GAPVD1: variants seen among roughly 807,000 people sequenced by gnomAD.
The protein encoded by GAPVD1 is GTPase-activating protein and VPS9 domain-containing protein 1.
Under a neutral mutation model 155.5 loss-of-function variants are expected in GAPVD1, and 35 were observed. The ratio of observed to expected loss-of-function variants is 0.23; its 90% CI spans 0.17 to 0.30. The LOEUF is 0.30. GAPVD1 is among the 10% of genes least tolerant of loss of function. The pLI is 1.00. For synonymous variants in GAPVD1, 636 were observed against 619.7 expected (o/e 1.03, Z -0.39); for missense variants, 1,429 against 1,775.7 (o/e 0.80, Z 3.51).
At position 125,305,117 on chromosome 9, in the gene GAPVD1, C is replaced by A; in HGVS notation, c.1084C>A (p.Arg362=). The change falls in exon 6 of 28, where the codon CGA becomes AGA. Residue 362 remains arginine, a synonymous_variant. Transcript: ENST00000297933. ...GACTGGCTCTGAAGAGGGAGATCCC[C>A]GAACAAAGAGCAGCCTTGGAAAGTT... ...AMTGSEEGDP[R]TKSSLGKFDK... The A allele has an allele frequency of 6.2e-7, 1 of 1,613,690 alleles. No homozygotes were observed. The highest frequency in any genetic ancestry group is 1.1e-5 in the South Asian group (1 of 91,066).
rs1244568087 is a variant in GAPVD1 at position 125,364,191 on chromosome 9, T to G, written c.*1445T>G. 1.3e-5 allele frequency: 2 copies of G among 151,334 alleles called. No homozygotes were observed. The highest frequency in any genetic ancestry group is 3.8e-4 in the East Asian group (2 of 5,208). The allele number at this position is 151,334 out of a possible 1,614,324, so 9.4% of individuals were successfully genotyped here. A position where few individuals can be genotyped will look rare whatever the true frequency, so the allele number is the denominator to read the frequency against. ...GGCTCTCTGTTGTCTGTCTCTGAGA[T>G]CTTTGTGTCTGGGAATGCCTAAAGA... is the stretch of plus-strand genomic sequence containing the variant. On this transcript the variant is annotated 3_prime_UTR_variant, in exon 28 of 28. Coordinates refer to ENST00000297933, the MANE Select transcript of GAPVD1 (RefSeq NM_001282680.3).
chr9:125,277,420 A>G (rs770557634), intron 2 of GAPVD1, among the ~76,000 whole-genome samples: 21 of 152,172 alleles, frequency 1.4e-4, no homozygotes, highest in Non-Finnish European at 2.5e-4. Context: ...TAACTGGCCA[A>G]TGAAAGGAGT....
In GAPVD1 at chr9:125,337,428, T is replaced by G; in HGVS notation, c.2714T>G (p.Ile905Arg). The G allele has an allele frequency of 6.2e-7, 1 of 1,614,160 alleles. No homozygotes were observed. Among genetic ancestry groups the G allele is most frequent in the East Asian group, 2.2e-5 (1 of 44,884 alleles). ...ERLVRSRSSD[I>R]VSSVRRPMSD... ...CTAGTTCGAAGCAGGAGCTCTGATA[T>G]AGTATCTTCTGTCCGGAGACCCATG... is the stretch of plus-strand genomic sequence containing the variant. Residue 905 changes from isoleucine to arginine, a missense_variant, in exon 17 of 28, where the codon ATA becomes AGA. Physicochemically the swap from Ile to Arg is moderately conservative, Grantham distance 97. Around this residue, in one of 4 missense-constraint regions of GAPVD1, gnomAD observed 699 missense variants for 826.0 expected, o/e 0.85. Transcript: ENST00000297933.
At chr9:125,339,087 T>A (rs1847471398) in intron 17 of GAPVD1, among the ~76,000 whole-genome samples, 1 of 152,078 alleles carries the variant, frequency 6.6e-6, no homozygotes, top group Non-Finnish European at 1.5e-5. Context: ...GCTCAGGCAA[T>A]CCTCCCGCTT....
intron 25 of GAPVD1, among the ~76,000 whole-genome samples, chr9:125,357,527 T>C (rs909902322): frequency 2.0e-5 from 3 of 151,692 alleles, no homozygotes; most frequent in Admixed American, 6.6e-5. Context: ...TGCAGTGAGC[T>C]GAGATCGCGC....
At position 125,312,540 on chromosome 9, in the gene GAPVD1, A is replaced by G. The variant is rs564019106; in HGVS notation, c.1530A>G (p.Gln510=). The G allele has an allele frequency of 8.1e-6, 13 of 1,610,978 alleles. No homozygotes were observed. The African/African-American group carries it at 1.3e-4, about 17-fold the overall frequency. ...GSSQETIQEV[Q]PEEVLVISLG... ...CTCAAGAAACCATTCAGGAGGTGCA[A>G]CCAGAAGAGGTGTTGGTCATTTCCT... Residue 510 remains glutamine, a synonymous_variant, in exon 9 of 28, where the codon CAA becomes CAG. Transcript: ENST00000297933.
intron 19 of GAPVD1, among the ~76,000 whole-genome samples, chr9:125,345,187 T>C (rs1237600795): frequency 6.6e-6 from 1 of 151,766 alleles, no homozygotes; most frequent in Admixed American, 6.6e-5. Flanking sequence ...CTCTTTTTTT[T>C]TTTTTTCTTT....
chr9:125,266,705 C>T (rs893290876), intron 1 of GAPVD1, among the ~76,000 whole-genome samples: 11 of 152,062 alleles, frequency 7.2e-5, no homozygotes, highest in South Asian at 2.1e-4. Context: ...GCAGAATATA[C>T]GTGCTAAATT....
At chr9:125,340,765 G>A (rs1360465929) in intron 17 of GAPVD1, among the ~76,000 whole-genome samples, 1 of 152,100 alleles carries the variant, frequency 6.6e-6, no homozygotes, top group Non-Finnish European at 1.5e-5. Flanking sequence ...GCAGATGACA[G>A]TGGTGCTGAA....
chr9:125,357,328 C>T (rs1850231418), intron 25 of GAPVD1, among the ~76,000 whole-genome samples: 1 of 152,182 alleles, frequency 6.6e-6, no homozygotes, highest in Non-Finnish European at 1.5e-5. Flanking sequence ...CTTGTAATCG[C>T]AGCACTTTGG....
chr9:125,277,859 A>G (rs551496688), intron 2 of GAPVD1, among the ~76,000 whole-genome samples: 5 of 151,892 alleles, frequency 3.3e-5, no homozygotes, highest in Non-Finnish European at 5.9e-5. Flanking sequence ...ATAGAAACAG[A>G]GTCTCACTAT....
chr9:125,362,820 T>A lies in GAPVD1; in HGVS notation c.*74T>A. ...ATCTCTGAGAAGGTGCATCAGCTGCTTTGAAGGCTGAAGATTGTTTTGTAT... is the reference window on the plus strand; with the variant it reads ...ATCTCTGAGAAGGTGCATCAGCTGCATTGAAGGCTGAAGATTGTTTTGTAT... On this transcript the variant is annotated 3_prime_UTR_variant, in exon 28 of 28. Transcript: ENST00000297933. 1 of 1,373,784 alleles carries A rather than the reference T, an allele frequency of 7.3e-7. No homozygotes were observed. The highest frequency in any genetic ancestry group is 1.0e-6 in the Non-Finnish European group (1 of 988,490). 85.1% of individuals were successfully genotyped at this position (1,373,784 alleles called of 1,614,324 possible). A position where few individuals can be genotyped will look rare whatever the true frequency, so the allele number is the denominator to read the frequency against.
In GAPVD1 at chr9:125,362,615, C is replaced by A. The variant is rs979583520; in HGVS notation, c.4252C>A (p.Pro1418Thr). Residue 1418 changes from proline to threonine, a missense_variant, in exon 28 of 28, where the codon CCC becomes ACC. Around this residue, in one of 4 missense-constraint regions of GAPVD1, gnomAD observed 102 missense variants for 196.5 expected, o/e 0.52. Coordinates refer to ENST00000297933, the MANE Select transcript of GAPVD1 (RefSeq NM_001282680.3). Reference protein sequence around the residue: ...LVFVLIKANPPCLLSTVQYIS... With the variant: ...LVFVLIKANPTCLLSTVQYIS... ...TTTTTCACTTCTCTAGGCAAATCCA[C>A]CCTGTTTGCTGTCTACTGTGCAGTA... is the stretch of plus-strand genomic sequence containing the variant. 6.2e-7 allele frequency: 1 copy of A among 1,601,400 alleles called. No individual in the cohort carries two copies. Among genetic ancestry groups the A allele is most frequent in the Non-Finnish European group, 8.5e-7 (1 of 1,174,316 alleles).
chr9:125,286,165 G>A (rs535699589), intron 2 of GAPVD1, among the ~76,000 whole-genome samples: 2 of 152,224 alleles, frequency 1.3e-5, no homozygotes, highest in East Asian at 3.9e-4. Flanking sequence ...CCAGGCTGGA[G>A]TGCAGTGGCG....
Position 125,274,713 on chromosome 9 carries a change from T to C in GAPVD1, c.-150+5729T>C, listed in dbSNP as rs866798531. On this transcript the variant is annotated intron_variant, in intron 2 of 27. Coordinates refer to ENST00000297933, the MANE Select transcript of GAPVD1 (RefSeq NM_001282680.3). ...CCAACCTAAGGTAATCCACCCACCT[T>C]GGCCTCCCAAAGTGCTGGGATTATA... Among the ~76,000 whole-genome samples, 4 of 152,220 alleles carry C rather than the reference T, an allele frequency of 2.6e-5. No individual in the cohort carries two copies. The Middle Eastern group carries it at 0.01, about 388-fold the overall frequency.
At chr9:125,282,361 T>C (rs1836930661) in intron 2 of GAPVD1, among the ~76,000 whole-genome samples, 1 of 152,274 alleles carries the variant, frequency 6.6e-6, no homozygotes, top group African/African-American at 2.4e-5. Context: ...GGTCTTGAAC[T>C]CCTGGCCTCA....
intron 23 of GAPVD1, among the ~76,000 whole-genome samples, chr9:125,352,354 T>C (rs1194678468): frequency 6.6e-6 from 1 of 152,240 alleles, no homozygotes; most frequent in Non-Finnish European, 1.5e-5. Flanking sequence ...GGCGTTTCTA[T>C]ACATCTTTTG....
At chr9:125,356,585 A>G (rs2416962) in intron 25 of GAPVD1, among the ~76,000 whole-genome samples, 2,145 of 151,982 alleles carry the variant, frequency 0.014, 25 homozygotes, top group Non-Finnish European at 0.022. Context: ...TCAACCTCCC[A>G]GGCTTATGTG....
intron 1 of GAPVD1, among the ~76,000 whole-genome samples, chr9:125,263,000 A>G (rs1286636240): frequency 6.6e-6 from 1 of 152,164 alleles, no homozygotes; most frequent in Non-Finnish European, 1.5e-5. Flanking sequence ...GCCGTTAGAC[A>G]TTGTTATTTA....
Sources: allele counts gnomAD v4.1 joint callset (sites outside exome capture counted in the v4.1 genomes callset), GRCh38; gene constraint gnomAD v4.1.1; regional missense constraint gnomAD v4.1.1; transcripts MANE v1.5; gene names NCBI Gene and HGNC (gene_info 2026-07-23, HGNC 2026-07-21).